BAZ2B: variants seen among roughly 807,000 people sequenced by gnomAD.
BAZ2B encodes the protein bromodomain adjacent to zinc finger domain protein 2B.
BAZ2B carries 91 observed loss-of-function variants against 246.0 expected under a neutral mutation model. The ratio of observed to expected loss-of-function variants is 0.37; its 90% confidence interval spans 0.31 to 0.44. BAZ2B has a LOEUF of 0.44. Among genes scored for constraint, BAZ2B ranks in the 20% least tolerant of loss-of-function variants. The pLI is 1.00. For missense variants in BAZ2B, 2,332 were observed against 2,533.7 expected (o/e 0.92, Z 1.71); for synonymous variants, 855 against 860.0 (o/e 0.99, Z 0.10).
intron 1 of BAZ2B, among the ~76,000 whole-genome samples, chr2:159,613,624 G>A (rs1335051860): frequency 6.6e-6 from 1 of 152,104 alleles, no homozygotes; most frequent in East Asian, 1.9e-4. Flanking sequence ...ACAATAATAT[G>A]TACAGTGTTT....
At chr2:159,380,428 T>A (rs1223202204) in intron 25 of BAZ2B, among the ~76,000 whole-genome samples, 1 of 152,228 alleles carries the variant, frequency 6.6e-6, no homozygotes, top group Non-Finnish European at 1.5e-5. Flanking sequence ...TTGGTCCATA[T>A]CACACTGCTT....
chr2:159,564,739 A>G (rs964228777), intron 1 of BAZ2B, among the ~76,000 whole-genome samples: 2 of 152,320 alleles, frequency 1.3e-5, no homozygotes, highest in East Asian at 3.9e-4. Flanking sequence ...GTAGTAAGGA[A>G]CCAAGAGTGT....
chr2:159,697,975 T>G, the BAZ2B span, among the ~76,000 whole-genome samples: 1 of 152,188 alleles, frequency 6.6e-6, no homozygotes, highest in Non-Finnish European at 1.5e-5. Context: ...TAACTTTGCC[T>G]CCCTCAGCTT....
At chr2:159,699,064 T>A in the BAZ2B span, among the ~76,000 whole-genome samples, 1 of 152,212 alleles carries the variant, frequency 6.6e-6, no homozygotes, top group Non-Finnish European at 1.5e-5. Flanking sequence ...TAATCCTGGA[T>A]ACCAGAAGTA....
Position 159,386,403 on chromosome 2 carries a change from T to C in BAZ2B, c.3421A>G (p.Arg1141Gly), listed in dbSNP as rs757310842. The C allele has an allele frequency of 2.5e-6, 4 of 1,613,444 alleles. No individual in the cohort carries two copies. Residue 1141 changes from arginine (R) to glycine (G), a missense_variant, in exon 22 of 37, where the codon AGG becomes GGG. Physicochemically the swap from Arg to Gly is moderately radical, Grantham distance 125. This residue lies in a region of BAZ2B where 328 missense variants were observed against 410.4 expected (regional missense o/e 0.80). Coordinates refer to ENST00000392783, the MANE Select transcript of BAZ2B (RefSeq NM_013450.4). ...TCACATACAGCAGCTGAGAGGAGCC[T>C]CACAAGCAAGTCTTGTACTTCACCC... ...SMGEVQDLLVRLLSAAVCDPG... is the reference protein window; with the variant it reads ...SMGEVQDLLVGLLSAAVCDPG...
In BAZ2B at chr2:159,386,425, A is replaced by C. The variant is rs1311475187; in HGVS notation, c.3399T>G (p.Gly1133=). The C allele has an allele frequency of 6.2e-7, 1 of 1,613,402 alleles. No individual in the cohort carries two copies. Among genetic ancestry groups the C allele is most frequent in the Non-Finnish European group, 8.5e-7 (1 of 1,179,694 alleles). Reference sequence around the variant, plus strand: ...GCCTCACAAGCAAGTCTTGTACTTCACCCATGCTGTCCCCTATATTTAGCA... The same window carrying C: ...GCCTCACAAGCAAGTCTTGTACTTCCCCCATGCTGTCCCCTATATTTAGCA... ...EGLLNIGDSM[G]EVQDLLVRLL... Residue 1133 remains glycine, a synonymous_variant, in exon 22 of 37, where the codon GGT becomes GGG. Coordinates refer to ENST00000392783, the MANE Select transcript of BAZ2B (RefSeq NM_013450.4).
intron 10 of BAZ2B, among the ~76,000 whole-genome samples, chr2:159,429,808 G>C (rs1380786866): frequency 6.6e-6 from 1 of 152,046 alleles, no homozygotes; most frequent in Admixed American, 6.6e-5. Flanking sequence ...ACACAAATAA[G>C]TTCATCTAAA....
chr2:159,327,954 AC>A (rs2063964200), intron 34 of BAZ2B, among the ~76,000 whole-genome samples: 12 of 151,922 alleles, frequency 7.9e-5, no homozygotes, highest in African/African-American at 2.9e-4. Context: ...AATCTCAGCT[AC>A]TTAGGAGGTT....
At chr2:159,652,801 A>G in the BAZ2B span, among the ~76,000 whole-genome samples, 1 of 150,856 alleles carries the variant, frequency 6.6e-6, no homozygotes, top group Admixed American at 6.6e-5. Flanking sequence ...TGGTTTTTGT[A>G]GAGATGGGGT....
the BAZ2B span, among the ~76,000 whole-genome samples, chr2:159,677,512 G>A: frequency 6.6e-6 from 1 of 151,974 alleles, no homozygotes; most frequent in East Asian, 1.9e-4. Flanking sequence ...ATCAAAGAAG[G>A]GGACAGAAAA....
chr2:159,561,396 C>T (rs1179523871), intron 1 of BAZ2B, among the ~76,000 whole-genome samples: 2 of 152,220 alleles, frequency 1.3e-5, no homozygotes, highest in African/African-American at 2.4e-5. Flanking sequence ...TCACCAGAAG[C>T]TGAGCTGATG....
chr2:159,348,335 AAAAAAAAAAAG>A (rs1178376355), intron 30 of BAZ2B, among the ~76,000 whole-genome samples: 3 of 151,390 alleles, frequency 2.0e-5, no homozygotes, highest in South Asian at 4.2e-4. Flanking sequence ...AAAAAAAAAA[AAAAAAAAAAAG>A]GTGTACTATT....
At chr2:159,465,596 A>G (rs2076933945) in intron 3 of BAZ2B, among the ~76,000 whole-genome samples, 2 of 152,140 alleles carry the variant, frequency 1.3e-5, no homozygotes, top group Non-Finnish European at 2.9e-5. Context: ...CATTAAATAA[A>G]CCCCACTGCA....
the BAZ2B span, among the ~76,000 whole-genome samples, chr2:159,651,472 C>T: frequency 3.3e-5 from 5 of 152,096 alleles, no homozygotes; most frequent in Non-Finnish European, 7.4e-5. Context: ...TAATCTTTGG[C>T]AGTAGTGTAG....
the BAZ2B span, among the ~76,000 whole-genome samples, chr2:159,706,760 C>A: frequency 6.6e-6 from 1 of 152,184 alleles, no homozygotes; most frequent in African/African-American, 2.4e-5. Context: ...TAATTTTATA[C>A]GACAGCTTGG....
rs1169205905 is a variant in BAZ2B, at chr2:159,433,112, C to T, written c.1545G>A (p.Met515Ile). Residue 515 changes from methionine to isoleucine, a missense_variant, in exon 9 of 37, where the codon ATG becomes ATA. Met to Ile is a conservative substitution (Grantham distance 10). Coordinates refer to ENST00000392783, the MANE Select transcript of BAZ2B (RefSeq NM_013450.4). ...APLALTTKTK[M>I]QSKINENIAA... ...CAATGTTTTCATTAATCTTGCTCTG[C>T]ATTTTAGTTTTGGTAGTAAGTGCTA... is the stretch of plus-strand genomic sequence containing the variant. 2 of 1,614,168 alleles carry T rather than the reference C, an allele frequency of 1.2e-6. No homozygotes were observed. The highest frequency in any genetic ancestry group is 2.2e-5 in the South Asian group (2 of 91,090).
intron 2 of BAZ2B, among the ~76,000 whole-genome samples, chr2:159,511,726 T>C (rs2082946120): frequency 6.6e-6 from 1 of 152,136 alleles, no homozygotes; most frequent in Non-Finnish European, 1.5e-5. Flanking sequence ...TATGACTAAG[T>C]AGAAATGCTC....
chr2:159,497,012 A>G (rs1011412309), intron 2 of BAZ2B, among the ~76,000 whole-genome samples: 1 of 152,172 alleles, frequency 6.6e-6, no homozygotes, highest in Non-Finnish European at 1.5e-5. Context: ...AGATAAAATC[A>G]TAGTCCTTAC....
the BAZ2B span, among the ~76,000 whole-genome samples, chr2:159,633,382 T>C: frequency 6.6e-6 from 1 of 152,178 alleles, no homozygotes; most frequent in Admixed American, 6.5e-5. Flanking sequence ...ATGACTACTT[T>C]TTCTGGGTAG....
Sources: allele counts gnomAD v4.1 joint callset (sites outside exome capture counted in the v4.1 genomes callset), GRCh38; gene constraint gnomAD v4.1.1; regional missense constraint gnomAD v4.1.1; transcripts MANE v1.5; gene names NCBI Gene and HGNC (gene_info 2026-07-23, HGNC 2026-07-21).